Variants in TRIM44 observed in about 807,000 individuals in gnomAD.
The protein encoded by TRIM44 is tripartite motif containing 44.
TRIM44 carries 13 observed loss-of-function variants against 37.4 expected under a neutral mutation model. The ratio of observed to expected loss-of-function variants is 0.35; its 90% CI spans 0.23 to 0.55. TRIM44 has a LOEUF of 0.55. TRIM44 is among the 20% of genes least tolerant of loss of function. The pLI is 0.89. For synonymous variants in TRIM44, 175 were observed against 157.2 expected (o/e 1.11, Z -0.85); for missense variants, 426 against 437.2 (o/e 0.97, Z 0.23).
intron 3 of TRIM44, among the ~76,000 whole-genome samples, chr11:35,730,224 A>C (rs573301523): frequency 8.5e-5 from 13 of 152,370 alleles, no homozygotes; most frequent in African/African-American, 3.1e-4. Flanking sequence ...CCAAAAATTC[A>C]CTGGATGGGC....
chr11:35,806,011 A>T (rs1311452179), intron 4 of TRIM44, among the ~76,000 whole-genome samples: 2 of 152,102 alleles, frequency 1.3e-5, no homozygotes, highest in African/African-American at 4.8e-5. Context: ...TTTTACCAGC[A>T]ATTTATTTTG....
intron 2 of TRIM44, among the ~76,000 whole-genome samples, chr11:35,708,630 A>C (rs1204810750): frequency 6.6e-6 from 1 of 151,694 alleles, no homozygotes; most frequent in Non-Finnish European, 1.5e-5. Context: ...ATGAAATTGG[A>C]AATCATCATT....
At chr11:35,668,371 C>A (rs544304038) in intron 1 of TRIM44, among the ~76,000 whole-genome samples, 2 of 152,192 alleles carry the variant, frequency 1.3e-5, no homozygotes, top group Non-Finnish European at 2.9e-5. Flanking sequence ...CCTCCCACCC[C>A]CTATCCACTG....
intron 4 of TRIM44, among the ~76,000 whole-genome samples, chr11:35,802,182 TA>T (rs1280008412): frequency 6.6e-6 from 1 of 152,142 alleles, no homozygotes; most frequent in Non-Finnish European, 1.5e-5. Context: ...TCAATACAAA[TA>T]AACATTAGCA....
At chr11:35,760,574 C>T (rs970719370) in intron 4 of TRIM44, among the ~76,000 whole-genome samples, 2 of 152,248 alleles carry the variant, frequency 1.3e-5, no homozygotes, top group Non-Finnish European at 2.9e-5. Flanking sequence ...AATCACTCGT[C>T]TTCTGCGTCA....
rs779732372 is a variant in TRIM44 at position 35,685,295 on chromosome 11, G to A, written c.706G>A (p.Glu236Lys). The change falls in exon 2 of 5, where the codon GAA (glutamate) becomes AAA (lysine). Residue 236 changes from glutamate (E) to lysine (K), a missense_variant. Coordinates refer to ENST00000299413, the MANE Select transcript of TRIM44 (RefSeq NM_017583.6). ...AGGTGGACTGAAGGCCGCTATGATC[G>A]AATTGGTGGAAAGGTTGAAGTTCAA... ...DSGGLKAAMIELVERLKFKSS... is the reference protein window; with the variant it reads ...DSGGLKAAMIKLVERLKFKSS... 8.1e-6 allele frequency: 13 copies of A among 1,614,076 alleles called. No individual in the cohort carries two copies. Among genetic ancestry groups the A allele is most frequent in the African/African-American group, 4.0e-5 (3 of 74,934 alleles).
chr11:35,785,004 T>C (rs930649992), intron 4 of TRIM44, among the ~76,000 whole-genome samples: 2 of 152,188 alleles, frequency 1.3e-5, no homozygotes, highest in Non-Finnish European at 2.9e-5. Flanking sequence ...ATAAGACCAG[T>C]GCAATAACCT....
In TRIM44 at chr11:35,770,632, C is replaced by G. The variant is rs368248206; in HGVS notation, c.1007+35187C>G. On this transcript the variant is annotated intron_variant, in intron 4 of 4. Coordinates refer to ENST00000299413, the MANE Select transcript of TRIM44 (RefSeq NM_017583.6). ...CTCATTGTGGTTTTGACTTGCATTT[C>G]TCTGAGGATTAGTAATGTTGAACAT... Among the ~76,000 whole-genome samples, 5 of 152,242 alleles carry G rather than the reference C, an allele frequency of 3.3e-5. No homozygotes were observed. In the South Asian group the frequency reaches 1.0e-3, roughly 32 times the overall value.
At chr11:35,734,196 A>G (rs765407696) in intron 3 of TRIM44, among the ~76,000 whole-genome samples, 1 of 152,172 alleles carries the variant, frequency 6.6e-6, no homozygotes, top group Non-Finnish European at 1.5e-5. Context: ...GCATATATAT[A>G]TATAGTAGCT....
chr11:35,681,911 T>G (rs1007604537), intron 1 of TRIM44, among the ~76,000 whole-genome samples: 1 of 151,394 alleles, frequency 6.6e-6, no homozygotes, highest in Non-Finnish European at 1.5e-5. Context: ...ACCACCACCC[T>G]TAGACCCAAA....
Position 35,817,788 on chromosome 11 carries a change from G to A in TRIM44, c.*11403G>A, listed in dbSNP as rs1853596292. The A allele has an allele frequency of 1.3e-5, 2 of 152,124 alleles. No individual in the cohort carries two copies. The highest frequency in any genetic ancestry group is 4.8e-5 in the African/African-American group (2 of 41,430). The allele number at this position is 152,124 out of a possible 1,614,324, so 9.4% of individuals were successfully genotyped here. A position where few individuals can be genotyped will look rare whatever the true frequency, so the allele number is the denominator to read the frequency against. On this transcript the variant is annotated 3_prime_UTR_variant, in exon 5 of 5. Coordinates refer to ENST00000299413, the MANE Select transcript of TRIM44 (RefSeq NM_017583.6). ...GATTTAACAACATCCGCCCTTTGTT[G>A]TCATGATAGTGAGTTCTTGTGAGAT... is the stretch of plus-strand genomic sequence containing the variant.
intron 4 of TRIM44, among the ~76,000 whole-genome samples, chr11:35,755,257 A>G (rs752210187): frequency 0.01 from 1,579 of 152,262 alleles, 11 homozygotes; most frequent in Admixed American, 0.017. Context: ...AATGGCCAGT[A>G]ATGATGAGCA....
chr11:35,767,181 G>C (rs999393697), intron 4 of TRIM44, among the ~76,000 whole-genome samples: 2 of 152,146 alleles, frequency 1.3e-5, no homozygotes, highest in Non-Finnish European at 2.9e-5. Flanking sequence ...AGGCATGATA[G>C]AGGACCTTTC....
chr11:35,782,153 A>G (rs1853073949), intron 4 of TRIM44, among the ~76,000 whole-genome samples: 1 of 152,162 alleles, frequency 6.6e-6, no homozygotes, highest in Non-Finnish European at 1.5e-5. Context: ...ACATGTACTG[A>G]TAGAGGGGTT....
At chr11:35,679,277 A>G (rs1054026173) in intron 1 of TRIM44, among the ~76,000 whole-genome samples, 3 of 152,118 alleles carry the variant, frequency 2.0e-5, no homozygotes, top group Non-Finnish European at 2.9e-5. Context: ...TCTTCTTCCT[A>G]TTCTGATGCC....
intron 2 of TRIM44, among the ~76,000 whole-genome samples, chr11:35,688,059 G>A (rs1247641574): frequency 1.3e-5 from 2 of 152,096 alleles, no homozygotes; most frequent in Non-Finnish European, 2.9e-5. Flanking sequence ...AAATAAATTG[G>A]CATCTTCCAA....
intron 3 of TRIM44, among the ~76,000 whole-genome samples, chr11:35,727,258 G>C (rs1162449611): frequency 6.6e-6 from 1 of 152,098 alleles, no homozygotes; most frequent in Admixed American, 6.5e-5. Context: ...GGTAATGCCA[G>C]ATAGGTTTAG....
intron 2 of TRIM44, among the ~76,000 whole-genome samples, chr11:35,688,170 G>C (rs1851602020): frequency 6.6e-6 from 1 of 152,200 alleles, no homozygotes; most frequent in Non-Finnish European, 1.5e-5. Context: ...CTTAGGCTTT[G>C]TGACCTGTCA....
At position 35,806,365 on chromosome 11, in the gene TRIM44, A is replaced by G; in HGVS notation, c.1015A>G (p.Ser339Gly). The change falls in exon 5 of 5, where the codon AGT (serine) becomes GGT (glycine). Residue 339 changes from serine (S) to glycine (G), a missense_variant. Ser to Gly is a moderately conservative substitution (Grantham distance 56). This residue lies in a region of TRIM44 where 95 missense variants were observed against 134.2 expected (regional missense o/e 0.71). Transcript: ENST00000299413. Reference sequence around the variant, plus strand: ...TCTCCTTTTCCTTTGTAGTGGTGCCAGTGAAGAAGAGGACACATGAAGGCT... The same window carrying G: ...TCTCCTTTTCCTTTGTAGTGGTGCCGGTGAAGAAGAGGACACATGAAGGCT... ...EGDEEGPSGA[S>G]EEEDT 6.2e-7 allele frequency: 1 copy of G among 1,613,686 alleles called. No individual in the cohort carries two copies. Among genetic ancestry groups the G allele is most frequent in the Non-Finnish European group, 8.5e-7 (1 of 1,179,708 alleles).
Sources: allele counts gnomAD v4.1 joint callset (sites outside exome capture counted in the v4.1 genomes callset), GRCh38; gene constraint gnomAD v4.1.1; regional missense constraint gnomAD v4.1.1; transcripts MANE v1.5; gene names NCBI Gene and HGNC (gene_info 2026-07-23, HGNC 2026-07-21).